The following NAXD variants were observed in gnomAD, a reference collection of about 807,000 sequenced individuals.
The protein encoded by NAXD is NAD(P)HX dehydratase.
Under a neutral mutation model 35.8 loss-of-function variants are expected in NAXD, and 22 were observed. The ratio of observed to expected loss-of-function variants is 0.62; its 90% CI spans 0.44 to 0.88. The LOEUF (loss-of-function observed/expected upper bound fraction) is 0.88. NAXD is among the 40% of genes least tolerant of loss of function. The pLI is 0.00. For synonymous variants in NAXD, 189 were observed against 177.6 expected (o/e 1.06, Z -0.51); for missense variants, 428 against 437.7 (o/e 0.98, Z 0.20).
chr13:110,627,937 G>A (rs3825465), intron 5 of NAXD, among the ~76,000 whole-genome samples: 16,716 of 152,208 alleles, frequency 0.11, 1,314 homozygotes, highest in Admixed American at 0.25. Flanking sequence ...CTCCTGGGCC[G>A]TTGTTCCCAC....
At chr13:110,630,221 G>A (rs953762141) in intron 5 of NAXD, among the ~76,000 whole-genome samples, 2 of 151,992 alleles carry the variant, frequency 1.3e-5, no homozygotes, top group African/African-American at 4.8e-5. Context: ...TAGAGATGGG[G>A]TTTCACCATG....
At chr13:110,621,839 G>A (rs934908372) in intron 1 of NAXD, among the ~76,000 whole-genome samples, 8 of 152,160 alleles carry the variant, frequency 5.3e-5, no homozygotes, top group Admixed American at 3.3e-4. Flanking sequence ...AGACCAGCAT[G>A]GCCAACATGA....
At chr13:110,625,147 G>C in intron 3 of NAXD, 43 bp from the exon 4 acceptor site, 1 of 1,473,906 alleles carries the variant, frequency 6.8e-7, no homozygotes, top group Non-Finnish European at 9.5e-7. Context: ...GGGCAGCGAT[G>C]CCGGAGCGAT....
intron 4 of NAXD, among the ~76,000 whole-genome samples, chr13:110,626,102 T>G (rs1594174441): frequency 1.3e-5 from 2 of 151,090 alleles, no homozygotes; most frequent in South Asian, 2.1e-4. Flanking sequence ...CCCCACAGGG[T>G]GTGGGGCTGC....
intron 5 of NAXD, among the ~76,000 whole-genome samples, chr13:110,630,016 C>CT (rs1000931243): frequency 4.6e-5 from 7 of 151,410 alleles, no homozygotes; most frequent in East Asian, 1.9e-4. Flanking sequence ...GTTTGGGTAT[C>CT]TTTTTTTTTG....
intron 1 of NAXD, among the ~76,000 whole-genome samples, chr13:110,617,524 G>C (rs900905822): frequency 6.6e-6 from 1 of 152,228 alleles, no homozygotes; most frequent in African/African-American, 2.4e-5. Context: ...TCACTGCCAA[G>C]TGCTGGGAAG....
At chr13:110,634,079 C>A (rs925853876) in intron 5 of NAXD, among the ~76,000 whole-genome samples, 1 of 152,198 alleles carries the variant, frequency 6.6e-6, no homozygotes, top group Non-Finnish European at 1.5e-5. Flanking sequence ...GCCTTGTTTA[C>A]GGGCTCTGCG....
At chr13:110,632,603 G>C (rs1886749063) in intron 5 of NAXD, among the ~76,000 whole-genome samples, 1 of 152,094 alleles carries the variant, frequency 6.6e-6, no homozygotes, top group South Asian at 2.1e-4. Flanking sequence ...TCGACACACA[G>C]GTTCTCCAAG....
intron 4 of NAXD, among the ~76,000 whole-genome samples, chr13:110,626,559 C>A (rs1886491538): frequency 1.7e-5 from 1 of 58,182 alleles, no homozygotes; most frequent in Non-Finnish European, 3.3e-5. Flanking sequence ...CGGAGGGGGG[C>A]TGGGGTTGGG....
At chr13:110,616,001 C>T (rs1380232210) in intron 1 of NAXD, 1 of 390,918 alleles carries the variant, frequency 2.6e-6, no homozygotes, top group African/African-American at 2.1e-5. Flanking sequence ...CAGTGCGCGT[C>T]CCAGGAGCGG....
upstream of NAXD, chr13:110,615,497 A>C (rs1275536855): frequency 2.7e-6 from 3 of 1,126,078 alleles, no homozygotes; most frequent in South Asian, 4.1e-5. Context: ...TTGGGATCCC[A>C]CTGCCGACAG....
chr13:110,634,869 C>T (rs1304080147), intron 7 of NAXD, 93 bp downstream of exon 7: 6 of 913,874 alleles, frequency 6.6e-6, no homozygotes, highest in Non-Finnish European at 1.0e-5. Context: ...CAGCCTGTCC[C>T]TGTGGACACA....
intron 7 of NAXD, 92 bp downstream of exon 7, chr13:110,634,868 C>T (rs1466064849): frequency 1.1e-6 from 1 of 913,858 alleles, no homozygotes; most frequent in East Asian, 2.6e-5. Flanking sequence ...CCAGCCTGTC[C>T]CTGTGGACAC....
chr13:110,623,111 C>T (rs1268915668), intron 2 of NAXD, among the ~76,000 whole-genome samples: 2 of 152,108 alleles, frequency 1.3e-5, no homozygotes, highest in African/African-American at 2.4e-5. Flanking sequence ...CTAGTGAAGT[C>T]GACAAGCTTT....
chr13:110,638,979 CCT>C lies in NAXD; in HGVS notation c.*452_*453del, dbSNP rs1359739887. On this transcript the variant is annotated 3_prime_UTR_variant, in exon 10 of 10. Coordinates refer to ENST00000680254, the MANE Select transcript of NAXD (RefSeq NM_001242882.2). The surrounding 1 kb of genome is among the most constrained non-coding windows in gnomAD (Gnocchi z 5.4). ...CTGGGCAGGGGTCCCCGGGTGTCTC[CCT>C]GAGTCCCGACTGCACTGACTGGGTC... 2.8e-6 allele frequency: 1 copy of C among 352,166 alleles called. No individual in the cohort carries two copies. The allele number at this position is 352,166 out of a possible 1,614,324, so 21.8% of individuals were successfully genotyped here.
chr13:110,627,339 T>C, intron 4 of NAXD, 100 bp from the exon 5 acceptor site: 1 of 742,416 alleles, frequency 1.3e-6, no homozygotes, highest in Non-Finnish European at 2.3e-6. Context: ...GTCATTACTA[T>C]TTATAAGTTA....
rs1212274021 is a variant in NAXD, at chr13:110,628,754, C to T, written c.441+1207C>T. ...CCTCTGTCATCCCCGGGGAGAGGCT[C>T]TCAATGGGGAGTCCCATCTGCAGGC... On this transcript the variant is annotated intron_variant, in intron 5 of 9. Transcript: ENST00000680254. The surrounding 1 kb of genome is among the most constrained non-coding windows in gnomAD (Gnocchi z 4.1). Among the ~76,000 whole-genome samples, 1 of 151,982 alleles carries T rather than the reference C, an allele frequency of 6.6e-6. No homozygotes were observed. Among genetic ancestry groups the T allele is most frequent in the Non-Finnish European group, 1.5e-5 (1 of 68,018 alleles).
At position 110,615,569 on chromosome 13, in the gene NAXD, G is replaced by T; in HGVS notation, c.-33G>T. ...CAATGGCTGTGTTTCCGGCGACGGC[G>T]CGGGGGCAGCTGGGAATCCGGAATG... is the stretch of plus-strand genomic sequence containing the variant. On this transcript the variant is annotated 5_prime_UTR_variant, in exon 1 of 10. Coordinates refer to ENST00000680254, the MANE Select transcript of NAXD (RefSeq NM_001242882.2). 7.5e-7 allele frequency: 1 copy of T among 1,337,696 alleles called. No homozygotes were observed. Among genetic ancestry groups the T allele is most frequent in the Non-Finnish European group, 9.6e-7 (1 of 1,043,214 alleles). The allele number at this position is 1,337,696 out of a possible 1,614,324, so 82.9% of individuals were successfully genotyped here. A position where few individuals can be genotyped will look rare whatever the true frequency, so the allele number is the denominator to read the frequency against.
In NAXD at chr13:110,628,554, G is replaced by A. The variant is rs1013794512; in HGVS notation, c.441+1007G>A. 5.9e-5 allele frequency among the ~76,000 whole-genome samples: 9 copies of A among 152,304 alleles called. No homozygotes were observed. The highest frequency in any genetic ancestry group is 1.7e-4 in the African/African-American group (7 of 41,566). ...TGAGGCTGCGGGGCTTGAAGGCGGC[G>A]AGTGATGGAGCCAGCAGTGCAGGAT... is the stretch of plus-strand genomic sequence containing the variant. On this transcript the variant is annotated intron_variant, in intron 5 of 9. Coordinates refer to ENST00000680254, the MANE Select transcript of NAXD (RefSeq NM_001242882.2). This position sits in a 1 kb window ranked among gnomAD's most constrained non-coding sequence, Gnocchi z 4.1.
Sources: gnomAD v4.1 joint callset for allele counts (sites outside exome capture counted in the v4.1 genomes callset) on GRCh38, gnomAD v4.1.1 for gene constraint, Gnocchi (gnomAD v3.1) non-coding constraint, MANE v1.5 for transcripts, NCBI Gene and HGNC (gene_info 2026-07-23, HGNC 2026-07-21) for gene names.